LRBA: variants seen among roughly 807,000 people sequenced by gnomAD.
The protein encoded by LRBA is LPS responsive beige-like anchor protein.
A neutral mutation model predicts 330.0 loss-of-function variants in LRBA; 176 were observed. The observed-to-expected ratio is 0.53, with a 90% confidence interval of 0.47 to 0.60. The LOEUF (loss-of-function observed/expected upper bound fraction) is 0.60, where lower values mean the gene tolerates loss of function less well. LRBA is among the 20% of genes least tolerant of loss of function. The pLI is 0.00. For synonymous variants in LRBA, 1,230 were observed against 1,193.0 expected (o/e 1.03, Z -0.64); for missense variants, 3,259 against 3,444.8 (o/e 0.95, Z 1.35).
intron 44 of LRBA, 52 bp from the exon 45 acceptor site, chr4:150,436,916 A>G: frequency 1.3e-6 from 2 of 1,523,344 alleles, no homozygotes; most frequent in Admixed American, 3.4e-5. Flanking sequence ...ATCATCCTTC[A>G]TGTCTTCCTC....
intron 53 of LRBA, among the ~76,000 whole-genome samples, chr4:150,287,467 G>A (rs1018628360): frequency 4.6e-5 from 7 of 152,230 alleles, no homozygotes; most frequent in Admixed American, 2.6e-4. Context: ...TACCCTGAAG[G>A]GAGGTCTGGT....
intron 31 of LRBA, among the ~76,000 whole-genome samples, chr4:150,813,689 T>C (rs1416587195): frequency 6.6e-6 from 1 of 152,150 alleles, no homozygotes; most frequent in Non-Finnish European, 1.5e-5. Context: ...GTAAAATGTG[T>C]CTCATTTTGA....
At chr4:150,349,002 C>A (rs1343270424) in intron 48 of LRBA, among the ~76,000 whole-genome samples, 1 of 152,162 alleles carries the variant, frequency 6.6e-6, no homozygotes, top group Non-Finnish European at 1.5e-5. Flanking sequence ...CAATTCTCTG[C>A]TACCACAGTT....
intron 46 of LRBA, among the ~76,000 whole-genome samples, chr4:150,434,593 C>T (rs1409534601): frequency 6.6e-6 from 1 of 152,174 alleles, no homozygotes; most frequent in African/African-American, 2.4e-5. Flanking sequence ...CAATGGCTCA[C>T]ACCTGTAATC....
At chr4:150,930,183 C>A (rs1271663016) in intron 2 of LRBA, among the ~76,000 whole-genome samples, 1 of 152,052 alleles carries the variant, frequency 6.6e-6, no homozygotes, top group Non-Finnish European at 1.5e-5. Context: ...GGCGTGGTGG[C>A]ATGCGCCTGT....
chr4:150,474,187 T>C (rs1472191067), intron 42 of LRBA, among the ~76,000 whole-genome samples: 1 of 152,206 alleles, frequency 6.6e-6, no homozygotes, highest in Non-Finnish European at 1.5e-5. Context: ...TTTTCTTGTA[T>C]GTAAACATCC....
intron 17 of LRBA, among the ~76,000 whole-genome samples, chr4:150,888,439 TAGTAAA>T (rs1380004142): frequency 3.3e-5 from 5 of 152,282 alleles, no homozygotes; most frequent in African/African-American, 1.2e-4. Context: ...TATATATAAC[TAGTAAA>T]AGTAAAACTT....
chr4:150,293,827 C>G (rs758390581), intron 53 of LRBA, among the ~76,000 whole-genome samples: 2 of 152,192 alleles, frequency 1.3e-5, no homozygotes, highest in African/African-American at 4.8e-5. Context: ...TCAGTCTACT[C>G]GGTGTGAAGA....
intron 14 of LRBA, among the ~76,000 whole-genome samples, chr4:150,898,503 A>G (rs948542767): frequency 6.6e-6 from 1 of 152,134 alleles, no homozygotes; most frequent in Non-Finnish European, 1.5e-5. Context: ...CTGTTTTCTC[A>G]TATATTTTAT....
intron 49 of LRBA, among the ~76,000 whole-genome samples, chr4:150,322,412 G>T (rs1048337697): frequency 6.6e-6 from 1 of 152,084 alleles, no homozygotes; most frequent in African/African-American, 2.4e-5. Context: ...CTCCTACCAT[G>T]TCTGTTTTCT....
chr4:150,737,521 G>A (rs75856687), intron 35 of LRBA, among the ~76,000 whole-genome samples: 3 of 46,858 alleles, frequency 6.4e-5, no homozygotes, highest in Non-Finnish European at 2.3e-4. Flanking sequence ...GGAAAGAAAA[G>A]AAAAAAGAAA....
At chr4:150,801,448 ATCT>A (rs1411570040) in intron 33 of LRBA, among the ~76,000 whole-genome samples, 2 of 152,260 alleles carry the variant, frequency 1.3e-5, no homozygotes, top group African/African-American at 2.4e-5. Context: ...GAGGACAGAC[ATCT>A]TCTTTGCTTG....
intron 34 of LRBA, among the ~76,000 whole-genome samples, chr4:150,792,156 T>C (rs1740040382): frequency 6.6e-6 from 1 of 151,858 alleles, no homozygotes; most frequent in African/African-American, 2.4e-5. Context: ...AATTATTTCT[T>C]TGAAATAAAT....
chr4:150,655,927 A>C (rs1414182195), intron 37 of LRBA, among the ~76,000 whole-genome samples: 1 of 152,194 alleles, frequency 6.6e-6, no homozygotes, highest in Admixed American at 6.5e-5. Context: ...TTTATCGCCA[A>C]CTGCCCCTCC....
chr4:150,659,762 C>T (rs1216264889), intron 37 of LRBA, among the ~76,000 whole-genome samples: 33 of 13,620 alleles, frequency 2.4e-3, no homozygotes, highest in South Asian at 7.1e-3. Flanking sequence ...CCGCCCCGTC[C>T]GGGAGGTGAG....
chr4:150,628,660 A>G (rs1320446153), intron 37 of LRBA, among the ~76,000 whole-genome samples: 2 of 152,182 alleles, frequency 1.3e-5, no homozygotes, highest in Non-Finnish European at 2.9e-5. Context: ...TGCATGGTGA[A>G]GTGTTAAAGT....
intron 37 of LRBA, among the ~76,000 whole-genome samples, chr4:150,656,526 C>A (rs1419863548): frequency 2.6e-5 from 4 of 152,200 alleles, no homozygotes; most frequent in African/African-American, 9.7e-5. Context: ...TCTGCCTGCA[C>A]AACAAAGCTA....
chr4:150,385,043 C>A (rs529991790), intron 47 of LRBA, among the ~76,000 whole-genome samples: 19 of 152,110 alleles, frequency 1.2e-4, no homozygotes, highest in African/African-American at 4.3e-4. Flanking sequence ...CAAACCATTA[C>A]TTGAAAAATG....
chr4:150,692,076 G>C (rs1784189830), intron 36 of LRBA, among the ~76,000 whole-genome samples: 2 of 152,070 alleles, frequency 1.3e-5, no homozygotes, highest in Non-Finnish European at 2.9e-5. Context: ...TCTCTAGGAT[G>C]ACAAAATTTC....
Sources: allele counts gnomAD v4.1 joint callset (sites outside exome capture counted in the v4.1 genomes callset), GRCh38; gene constraint gnomAD v4.1.1; transcripts MANE v1.5; gene names NCBI Gene and HGNC (gene_info 2026-07-23, HGNC 2026-07-21).